Variants in RAB27B observed in about 807,000 individuals in gnomAD.
RAB27B encodes the protein ras-related protein Rab-27B.
RAB27B carries 15 observed loss-of-function variants against 24.6 expected under a neutral mutation model. The ratio of observed to expected loss-of-function variants is 0.61; its 90% CI spans 0.41 to 0.94. RAB27B has a LOEUF of 0.94. Ranked by LOEUF, RAB27B falls within the 40% of genes least tolerant of loss-of-function variation. RAB27B has a pLI of 0.00. For missense variants in RAB27B, 261 were observed against 266.8 expected (o/e 0.98, Z 0.15); for synonymous variants, 105 against 92.5 (o/e 1.14, Z -0.78).
chr18:54,863,235 A>G (rs1229147648), intron 1 of RAB27B, among the ~76,000 whole-genome samples: 2 of 152,238 alleles, frequency 1.3e-5, no homozygotes, highest in Non-Finnish European at 2.9e-5. Context: ...ATATACAACT[A>G]TATCAGGCCC....
intron 2 of RAB27B, among the ~76,000 whole-genome samples, chr18:54,758,488 G>A (rs550576865): frequency 6.6e-6 from 1 of 152,150 alleles, no homozygotes; most frequent in African/African-American, 2.4e-5. Flanking sequence ...ATGTTAAGAG[G>A]ATACAAAAGG....
chr18:54,871,045 T>A lies in RAB27B; in HGVS notation c.-19-6522T>A, dbSNP rs1912444007. ...CTAAACTAAGCCAAAGGCAAAAATG[T>A]TATTTAGAGAAAAAGTAATTTTTTG... On this transcript the variant is annotated intron_variant, in intron 1 of 5. Coordinates refer to ENST00000262094, the MANE Select transcript of RAB27B (RefSeq NM_004163.4). Among the ~76,000 whole-genome samples, 7 of 152,222 alleles carry A rather than the reference T, an allele frequency of 4.6e-5. No individual in the cohort carries two copies. The South Asian group carries it at 1.4e-3, about 32-fold the overall frequency.
chr18:54,736,734 G>GT (rs1909908114), intron 2 of RAB27B, among the ~76,000 whole-genome samples: 1 of 152,104 alleles, frequency 6.6e-6, no homozygotes, highest in African/African-American at 2.4e-5. Context: ...GCTAAGGGGG[G>GT]TTTTGGAGGG....
chr18:54,821,441 C>A (rs62091461), intron 2 of RAB27B, among the ~76,000 whole-genome samples: 1 of 151,950 alleles, frequency 6.6e-6, no homozygotes, highest in Non-Finnish European at 1.5e-5. Context: ...GAATCAATAT[C>A]GTGAAAATGG....
chr18:54,792,437 C>T, intron 2 of RAB27B, among the ~76,000 whole-genome samples: 1 of 152,162 alleles, frequency 6.6e-6, no homozygotes, highest in East Asian at 1.9e-4. Flanking sequence ...GTGCCACGCG[C>T]CTTAGTCTCT....
chr18:54,794,109 A>G (rs1909338834), intron 2 of RAB27B, among the ~76,000 whole-genome samples: 1 of 152,350 alleles, frequency 6.6e-6, no homozygotes, highest in Admixed American at 6.5e-5. Context: ...AAGAAGTTTG[A>G]CAAAATACTT....
chr18:54,812,787 G>A (rs1386527226), intron 2 of RAB27B, among the ~76,000 whole-genome samples: 1 of 152,116 alleles, frequency 6.6e-6, no homozygotes, highest in Non-Finnish European at 1.5e-5. Context: ...ATCGTAGTGT[G>A]AGGAAAACAA....
intron 2 of RAB27B, among the ~76,000 whole-genome samples, chr18:54,727,622 T>C (rs575580046): frequency 6.6e-6 from 1 of 152,332 alleles, no homozygotes; most frequent in East Asian, 1.9e-4. Flanking sequence ...GGGTGAGTTC[T>C]TAATACTAAA....
At chr18:54,781,928 A>G (rs947586267) in intron 2 of RAB27B, among the ~76,000 whole-genome samples, 3 of 152,256 alleles carry the variant, frequency 2.0e-5, no homozygotes, top group Non-Finnish European at 4.4e-5. Flanking sequence ...AAAATAGCAC[A>G]AGTGCCAATC....
rs1056098787 is a variant in RAB27B, at chr18:54,892,083, A to G, written c.*2670A>G. 2 of 152,056 alleles carry G rather than the reference A, an allele frequency of 1.3e-5. No individual in the cohort carries two copies. Among genetic ancestry groups the G allele is most frequent in the African/African-American group, 4.8e-5 (2 of 41,400 alleles). 9.4% of individuals were successfully genotyped at this position (152,056 alleles called of 1,614,324 possible). ...ATAAAGTATACAGACTACTTTAAAGATTTCCAAATCCCCTAATTTACCCCA... is the reference window on the plus strand; with the variant it reads ...ATAAAGTATACAGACTACTTTAAAGGTTTCCAAATCCCCTAATTTACCCCA... On this transcript the variant is annotated 3_prime_UTR_variant, in exon 6 of 6. Coordinates refer to ENST00000262094, the MANE Select transcript of RAB27B (RefSeq NM_004163.4).
intron 2 of RAB27B, among the ~76,000 whole-genome samples, chr18:54,740,776 G>A (rs750668477): frequency 1.9e-4 from 29 of 152,150 alleles, no homozygotes; most frequent in Non-Finnish European, 2.9e-4. Flanking sequence ...CCAGTATATA[G>A]CAGGCTCTCA....
chr18:54,745,931 A>T (rs959325447), intron 2 of RAB27B, among the ~76,000 whole-genome samples: 6 of 151,348 alleles, frequency 4.0e-5, no homozygotes, highest in Admixed American at 4.0e-4. Context: ...AGATACAAAG[A>T]TGGATACTGC....
intron 2 of RAB27B, among the ~76,000 whole-genome samples, chr18:54,809,488 T>C (rs1358927709): frequency 6.6e-6 from 1 of 152,158 alleles, no homozygotes; most frequent in Admixed American, 6.5e-5. Flanking sequence ...TCCTGGAAAC[T>C]GGAGCACAGA....
chr18:54,860,772 A>G (rs987040215), intron 1 of RAB27B, among the ~76,000 whole-genome samples: 1 of 152,376 alleles, frequency 6.6e-6, no homozygotes, highest in African/African-American at 2.4e-5. Flanking sequence ...TTTTATTTCT[A>G]TAGGCATCTA....
intron 1 of RAB27B, among the ~76,000 whole-genome samples, chr18:54,854,617 G>T (rs1258059689): frequency 6.6e-6 from 1 of 152,008 alleles, no homozygotes; most frequent in Non-Finnish European, 1.5e-5. Context: ...CTATAATACA[G>T]GTTCTGAGAA....
intron 1 of RAB27B, among the ~76,000 whole-genome samples, chr18:54,874,693 A>G (rs1189507275): frequency 6.6e-6 from 1 of 152,222 alleles, no homozygotes; most frequent in African/African-American, 2.4e-5. Flanking sequence ...CCCCACTGCA[A>G]AAACTGCTAA....
intron 2 of RAB27B, among the ~76,000 whole-genome samples, chr18:54,731,382 T>A (rs1909726119): frequency 6.6e-6 from 1 of 152,214 alleles, no homozygotes; most frequent in Admixed American, 6.5e-5. Context: ...ATAGGAAGTT[T>A]GAACAACACA....
Position 54,887,327 on chromosome 18 carries a change from A to C in RAB27B, c.344-668A>C, listed in dbSNP as rs934365956. On this transcript the variant is annotated intron_variant, in intron 4 of 5. Transcript: ENST00000262094. ...ATTTGAGGAACAAATGGTGTGAAGC[A>C]GTTATGGCCATCTCAGGGAGCATTT... Among the ~76,000 whole-genome samples, 7 of 152,096 alleles carry C rather than the reference A, an allele frequency of 4.6e-5. No individual in the cohort carries two copies. The East Asian group carries it at 1.4e-3, about 30-fold the overall frequency.
chr18:54,792,580 AAATTG>A (rs1320485922), intron 2 of RAB27B, among the ~76,000 whole-genome samples: 1 of 152,214 alleles, frequency 6.6e-6, no homozygotes, highest in Non-Finnish European at 1.5e-5. Flanking sequence ...GATAGTGAAT[AAATTG>A]AATAGACCCT....
Sources: gnomAD v4.1 joint callset for allele counts (sites outside exome capture counted in the v4.1 genomes callset) on GRCh38, gnomAD v4.1.1 for gene constraint, MANE v1.5 for transcripts, NCBI Gene and HGNC (gene_info 2026-07-23, HGNC 2026-07-21) for gene names.